WDR27: variants seen among roughly 807,000 people sequenced by gnomAD.
The protein encoded by WDR27 is WD repeat domain 27, also known as WD repeat-containing protein 27.
Under a neutral mutation model 114.4 loss-of-function variants are expected in WDR27, and 100 were observed. The observed-to-expected ratio is 0.87, with a 90% CI of 0.74 to 1.03. The LOEUF (loss-of-function observed/expected upper bound fraction) is 1.03. Among genes scored for constraint, WDR27 ranks in the 50% least tolerant of loss-of-function variants. The pLI is 0.00. For missense variants in WDR27, 1,129 were observed against 1,092.9 expected (o/e 1.03, Z -0.47); for synonymous variants, 449 against 423.1 (o/e 1.06, Z -0.75).
intron 14 of WDR27, among the ~76,000 whole-genome samples, chr6:169,650,417 C>T (rs1822057892): frequency 6.7e-6 from 1 of 148,278 alleles, no homozygotes; most frequent in Non-Finnish European, 1.5e-5. Flanking sequence ...CTCATCTATC[C>T]ACCCACTCAT....
the WDR27 span, among the ~76,000 whole-genome samples, chr6:169,438,388 C>G: frequency 1.3e-5 from 2 of 152,126 alleles, no homozygotes; most frequent in South Asian, 4.2e-4. Flanking sequence ...CAGGCACCCA[C>G]CACCACACCC....
intron 9 of WDR27, 26 bp downstream of exon 9, chr6:169,662,278 G>A: frequency 6.2e-7 from 1 of 1,608,956 alleles, no homozygotes; most frequent in Non-Finnish European, 8.5e-7. Context: ...CCTTTATGTG[G>A]CATAGGCAAA....
chr6:169,456,237 G>A (rs1022772268), downstream of WDR27, among the ~76,000 whole-genome samples: 4 of 152,134 alleles, frequency 2.6e-5, no homozygotes, highest in African/African-American at 7.2e-5. The surrounding 1 kb of genome is among the most constrained non-coding windows in gnomAD (Gnocchi z 4.0). Context: ...AAAATATTAC[G>A]AGAAAAATGC....
At chr6:169,563,263 G>A (rs1448369980) in intron 25 of WDR27, among the ~76,000 whole-genome samples, 1 of 152,182 alleles carries the variant, frequency 6.6e-6, no homozygotes, top group Admixed American at 6.5e-5. Context: ...CTCCGCTGCA[G>A]CCAGGGTCGG....
Position 169,551,757 on chromosome 6 carries a change from AAAAAG to A in WDR27, c.2645+20657_2645+20661del, listed in dbSNP as rs1562569169. ...CATCTCAAAAAAAAAAAAAAAAAAGAAAAAGAAAAGAAAAGAAAAAACGTGTCTTA... is the reference window on the plus strand; with the variant it reads ...CATCTCAAAAAAAAAAAAAAAAAAGAAAAAGAAAAGAAAAAACGTGTCTTA... On this transcript the variant is annotated intron_variant, in intron 25 of 25. Transcript: ENST00000448612. Among the ~76,000 whole-genome samples the A allele has an allele frequency of 1.8e-4, 6 of 34,168 alleles. No individual in the cohort carries two copies. The South Asian group carries it at 4.0e-3, about 23-fold the overall frequency. The allele number at this position is 34,168 out of a possible 152,430, so 22.4% of individuals were successfully genotyped here. A position where few individuals can be genotyped will look rare whatever the true frequency, so the allele number is the denominator to read the frequency against.
At chr6:169,446,876 G>A in the WDR27 span, among the ~76,000 whole-genome samples, 1 of 152,118 alleles carries the variant, frequency 6.6e-6, no homozygotes, top group Admixed American at 6.5e-5. Flanking sequence ...ACGCTTAAGT[G>A]ATTAAAAGCG....
At chr6:169,544,055 C>T (rs74859619) in intron 25 of WDR27, among the ~76,000 whole-genome samples, 1 of 152,158 alleles carries the variant, frequency 6.6e-6, no homozygotes, top group Non-Finnish European at 1.5e-5. Flanking sequence ...AAAGGCAACA[C>T]ATATTTATGA....
rs555202156 is a variant in WDR27 at position 169,537,195 on chromosome 6, G to A, written c.2645+35224C>T. Among the ~76,000 whole-genome samples, 4 of 152,252 alleles carry A rather than the reference G, an allele frequency of 2.6e-5. No individual in the cohort carries two copies. The East Asian group carries it at 7.7e-4, about 29-fold the overall frequency. On this transcript the variant is annotated intron_variant, in intron 25 of 25. Coordinates refer to ENST00000448612, the MANE Select transcript of WDR27 (RefSeq NM_182552.5). ...GGAATCGCAGGCCAGCTGCCTCCCA[G>A]ACATTATACAATACAGGCAAGATCT...
chr6:169,542,222 A>G (rs538596843), intron 25 of WDR27, among the ~76,000 whole-genome samples: 1 of 152,292 alleles, frequency 6.6e-6, no homozygotes, highest in East Asian at 1.9e-4. Context: ...GTATGTAGCC[A>G]AAAACCACTT....
At chr6:169,588,606 T>C (rs1407370990) in intron 23 of WDR27, among the ~76,000 whole-genome samples, 1 of 152,170 alleles carries the variant, frequency 6.6e-6, no homozygotes, top group Non-Finnish European at 1.5e-5. Context: ...AATGTCTACA[T>C]TTTATTTTCT....
At chr6:169,585,414 G>A (rs990079876) in intron 23 of WDR27, among the ~76,000 whole-genome samples, 1 of 152,172 alleles carries the variant, frequency 6.6e-6, no homozygotes, top group South Asian at 2.1e-4. Flanking sequence ...TGACTAAGCA[G>A]GTTTTGAAGT....
chr6:169,606,037 A>C (rs73239071), intron 22 of WDR27, among the ~76,000 whole-genome samples: 19,323 of 152,190 alleles, frequency 0.13, 1,620 homozygotes, highest in South Asian at 0.29. Context: ...ACTTCCAGAC[A>C]TTGGTCTAGG....
At chr6:169,481,478 T>C (rs916662260) in intron 25 of WDR27, among the ~76,000 whole-genome samples, 8 of 152,358 alleles carry the variant, frequency 5.3e-5, no homozygotes, top group Non-Finnish European at 4.4e-5. Context: ...GGAAACCTTG[T>C]TCTTTCACTC....
chr6:169,591,521 T>C (rs893161462), intron 23 of WDR27, among the ~76,000 whole-genome samples: 3 of 152,252 alleles, frequency 2.0e-5, no homozygotes, highest in Admixed American at 2.0e-4. Flanking sequence ...TTTTCCTTTA[T>C]AAGACACACT....
In WDR27 at chr6:169,660,714, A is replaced by G. The variant is rs768318200; in HGVS notation, c.1078T>C (p.Phe360Leu). ...TCCAGGTTTGCCAGGTTAAATACGA[A>G]TAAGCCCACTGAGCTTCCGATCCAC... is the stretch of plus-strand genomic sequence containing the variant. ...CVWIGSSVGL[F>L]VFNLANLEVE... Residue 360 changes from phenylalanine (F) to leucine (L), a missense_variant, in exon 10 of 26, where the codon TTC (phenylalanine) becomes CTC (leucine). Phe to Leu is a conservative substitution (Grantham distance 22). Coordinates refer to ENST00000448612, the MANE Select transcript of WDR27 (RefSeq NM_182552.5). 13 of 1,613,926 alleles carry G rather than the reference A, an allele frequency of 8.1e-6. No individual in the cohort carries two copies. Among genetic ancestry groups the G allele is most frequent in the Middle Eastern group, 3.3e-4 (2 of 6,062 alleles).
At chr6:169,449,256 C>T in the WDR27 span, among the ~76,000 whole-genome samples, 1 of 152,168 alleles carries the variant, frequency 6.6e-6, no homozygotes, top group African/African-American at 2.4e-5. Flanking sequence ...AAGAGCCACT[C>T]ATTCACCTCT....
At chr6:169,476,415 T>C (rs11961548) in intron 25 of WDR27, among the ~76,000 whole-genome samples, 2,036 of 152,336 alleles carry the variant, frequency 0.013, 43 homozygotes, top group African/African-American at 0.046. Flanking sequence ...ATCATGTGCT[T>C]AATGCAATGC....
intron 7 of WDR27, chr6:169,664,793 C>A (rs1054417022): frequency 1.0e-6 from 1 of 995,180 alleles, no homozygotes; most frequent in African/African-American, 1.7e-5. Flanking sequence ...TGAAAAAGGC[C>A]AACATCTTCA....
At chr6:169,427,476 A>G in the WDR27 span, among the ~76,000 whole-genome samples, 3 of 152,244 alleles carry the variant, frequency 2.0e-5, no homozygotes, top group Non-Finnish European at 1.5e-5. Flanking sequence ...ATGTTCATCT[A>G]CCTTTAAGCA....
Sources: gnomAD v4.1 joint callset for allele counts (sites outside exome capture counted in the v4.1 genomes callset) on GRCh38, gnomAD v4.1.1 for gene constraint, Gnocchi (gnomAD v3.1) non-coding constraint, MANE v1.5 for transcripts, NCBI Gene and HGNC (gene_info 2026-07-23, HGNC 2026-07-21) for gene names.